SLC28A1: variants seen among roughly 807,000 people sequenced by gnomAD.
The protein encoded by SLC28A1 is solute carrier family 28 member 1.
Under a neutral mutation model 74.8 loss-of-function variants are expected in SLC28A1, and 64 were observed. The observed-to-expected ratio is 0.86, with a 90% confidence interval of 0.70 to 1.05. The LOEUF is 1.05. Ranked by LOEUF, SLC28A1 falls within the 50% of genes least tolerant of loss-of-function variation. The pLI, the probability that SLC28A1 is intolerant of heterozygous loss-of-function variation, is 0.00. For synonymous variants in SLC28A1, 359 were observed against 335.0 expected (o/e 1.07, Z -0.78); for missense variants, 828 against 822.8 (o/e 1.01, Z -0.08).
At chr15:84,899,320 T>A (rs1966347287) in intron 6 of SLC28A1, among the ~76,000 whole-genome samples, 1 of 151,124 alleles carries the variant, frequency 6.6e-6, no homozygotes, top group Non-Finnish European at 1.5e-5. Context: ...ACAATTGAAG[T>A]CTCCAGAGGA....
At position 84,908,745 on chromosome 15, in the gene SLC28A1, T is replaced by C. The variant is rs369522546; in HGVS notation, c.745T>C (p.Ser249Pro). The C allele has an allele frequency of 3.1e-6, 5 of 1,614,050 alleles. No individual in the cohort carries two copies. Among genetic ancestry groups the C allele is most frequent in the Non-Finnish European group, 4.2e-6 (5 of 1,180,010 alleles). ...CTTCCTGAGCTACACGAAGGCTGGC[T>C]CCAGCTTCGTGTTTGGGGAGGCGCT... The part of the protein sequence containing the change: ...RIFLSYTKAG[S>P]SFVFGEALVK... The change falls in exon 9 of 19, where the codon TCC (serine) becomes CCC (proline). Residue 249 changes from serine (S) to proline (P), a missense_variant. Physicochemically the swap from Ser to Pro is moderately conservative, Grantham distance 74. Transcript: ENST00000394573.
chr15:84,929,845 G>A (rs1234020737), intron 12 of SLC28A1, among the ~76,000 whole-genome samples: 4 of 152,242 alleles, frequency 2.6e-5, no homozygotes, highest in Non-Finnish European at 5.9e-5. Flanking sequence ...CTGGGTGACA[G>A]AGCGAGACCC....
Position 84,935,323 on chromosome 15 carries a change from C to T in SLC28A1, c.1386C>T (p.Leu462=), listed in dbSNP as rs766754554. ...MVDIQGLSFQ[L]ICSYILRPVA... is the part of the protein sequence containing the mutation. ...CAGCCATACCGTTGTGCCCTCAGCT[C>T]ATCTGCTCCTACATCCTGCGGCCTG... Residue 462 remains leucine, a splice_region_variant and synonymous_variant, in exon 15 of 19, where the codon CTC becomes CTT. Transcript: ENST00000394573. 9.9e-6 allele frequency: 16 copies of T among 1,614,172 alleles called. No individual in the cohort carries two copies. In the Admixed American group the frequency reaches 2.3e-4, roughly 24 times the overall value.
intron 5 of SLC28A1, among the ~76,000 whole-genome samples, chr15:84,891,441 G>A (rs1255849558): frequency 6.6e-6 from 1 of 152,172 alleles, no homozygotes; most frequent in Non-Finnish European, 1.5e-5. Flanking sequence ...GGCAGGAAGG[G>A]GGATAATTAG....
At chr15:84,887,366 C>G (rs1964713971) in intron 2 of SLC28A1, 2 of 985,298 alleles carry the variant, frequency 2.0e-6, no homozygotes, top group Non-Finnish European at 1.2e-6. Flanking sequence ...CCAGAGTTCA[C>G]AAGGACTTGC....
intron 4 of SLC28A1, among the ~76,000 whole-genome samples, chr15:84,889,860 T>TC (rs1350073093): frequency 6.6e-6 from 1 of 150,730 alleles, no homozygotes; most frequent in Non-Finnish European, 1.5e-5. Flanking sequence ...TTCCTTTCTC[T>TC]CTTTTTTTTT....
At chr15:84,886,401 C>T in intron 1 of SLC28A1, 1 of 985,336 alleles carries the variant, frequency 1.0e-6, no homozygotes, top group South Asian at 4.7e-5. Flanking sequence ...GGGAAATAAT[C>T]ACATAGGTGG....
chr15:84,890,990 G>C (rs546303063), intron 5 of SLC28A1, among the ~76,000 whole-genome samples: 5 of 152,324 alleles, frequency 3.3e-5, no homozygotes, highest in African/African-American at 9.6e-5. Flanking sequence ...GTAAGGTCTG[G>C]AGGGTAAAGT....
At position 84,895,362 on chromosome 15, in the gene SLC28A1, A is replaced by C. The variant is rs199538123; in HGVS notation, c.461+239A>C. On this transcript the variant is annotated intron_variant, in intron 6 of 18. Coordinates refer to ENST00000394573, the MANE Select transcript of SLC28A1 (RefSeq NM_004213.5). ...GTGGTGGACGAAAACTGGACTCAAC[A>C]GTTTCCTCCATTCAGGGATCCCAGG... is the stretch of plus-strand genomic sequence containing the variant. 2.2e-5 allele frequency: 35 copies of C among 1,613,970 alleles called. No homozygotes were observed. The Admixed American group carries it at 4.2e-4, about 19-fold the overall frequency.
chr15:84,905,570 G>T lies in SLC28A1; in HGVS notation c.635G>T (p.Gly212Val). The change falls in exon 8 of 19, where the codon GGA (glycine) becomes GTA (valine). Residue 212 changes from glycine to valine, a missense_variant. By Grantham distance (109) the Gly-to-Val change is moderately radical (BLOSUM62 -3). Coordinates refer to ENST00000394573, the MANE Select transcript of SLC28A1 (RefSeq NM_004213.5). Reference protein sequence around the residue: ...VSWRAVSWGLGLQFVLGLLVI... With the variant: ...VSWRAVSWGLVLQFVLGLLVI... ...TGGAGGGCCGTGTCTTGGGGACTTG[G>T]ACTGCAGTTTGTACTTGGACTCCTC... 1 of 1,614,082 alleles carries T rather than the reference G, an allele frequency of 6.2e-7. No individual in the cohort carries two copies. The highest frequency in any genetic ancestry group is 1.3e-5 in the African/African-American group (1 of 75,046).
intron 15 of SLC28A1, among the ~76,000 whole-genome samples, chr15:84,937,141 T>G (rs72754953): frequency 0.027 from 3,764 of 138,072 alleles, 79 homozygotes; most frequent in Non-Finnish European, 0.047. Flanking sequence ...TGTTTTTTTG[T>G]TTTTTTTTTT....
the SLC28A1 span, among the ~76,000 whole-genome samples, chr15:84,951,757 G>A: frequency 2.4e-4 from 36 of 152,112 alleles, no homozygotes; most frequent in South Asian, 7.3e-3. Flanking sequence ...GTCCTAAATG[G>A]GCCCGCTCCT....
chr15:84,942,645 A>G (rs1972845844), intron 15 of SLC28A1, among the ~76,000 whole-genome samples: 1 of 152,192 alleles, frequency 6.6e-6, no homozygotes, highest in Non-Finnish European at 1.5e-5. Flanking sequence ...CAAGCTGATC[A>G]TTGGTGAGAC....
At chr15:84,966,066 A>T in the SLC28A1 span, among the ~76,000 whole-genome samples, 5 of 152,128 alleles carry the variant, frequency 3.3e-5, no homozygotes, top group Non-Finnish European at 7.4e-5. Context: ...GGTATTTTTT[A>T]AATGTAATTT....
chr15:84,918,710 C>T, intron 10 of SLC28A1, 106 bp downstream of exon 10: 2 of 849,846 alleles, frequency 2.4e-6, no homozygotes, highest in South Asian at 1.3e-5. Flanking sequence ...TCCCCAGACA[C>T]ACTGCTCCCC....
rs1381080462 is a variant in SLC28A1 at position 84,910,367 on chromosome 15, G to T, written c.795+1572G>T. Among the ~76,000 whole-genome samples the T allele has an allele frequency of 2.0e-5, 3 of 152,192 alleles. No homozygotes were observed. The East Asian group carries it at 5.8e-4, about 29-fold the overall frequency. The stretch of plus-strand genomic sequence containing the variant: ...CGAAGTTTCAGAAAAGACAAGTAAG[G>T]TCTGCTTCAGGGTGACCTCTGGCGT... On this transcript the variant is annotated intron_variant, in intron 9 of 18. Transcript: ENST00000394573.
intron 15 of SLC28A1, chr15:84,938,354 G>C (rs1972202030): frequency 6.6e-6 from 1 of 151,838 alleles, no homozygotes; most frequent in African/African-American, 2.4e-5. Context: ...ATTTCTGTGA[G>C]TACATAGTAG....
At chr15:84,974,740 A>G in the SLC28A1 span, among the ~76,000 whole-genome samples, 1 of 152,160 alleles carries the variant, frequency 6.6e-6, no homozygotes, top group South Asian at 2.1e-4. Flanking sequence ...ACAGGGCACA[A>G]ATGGTGTAGC....
chr15:84,893,928 G>T (rs773608009), intron 5 of SLC28A1, among the ~76,000 whole-genome samples: 1 of 152,210 alleles, frequency 6.6e-6, no homozygotes, highest in Admixed American at 6.5e-5. Context: ...AGGCTCAGGC[G>T]CTTTCTCTGT....
Sources: gnomAD v4.1 joint callset for allele counts (sites outside exome capture counted in the v4.1 genomes callset) on GRCh38, gnomAD v4.1.1 for gene constraint, MANE v1.5 for transcripts, NCBI Gene and HGNC (gene_info 2026-07-23, HGNC 2026-07-21) for gene names.